DGKB: variants seen among roughly 807,000 people sequenced by gnomAD.
The protein encoded by DGKB is 90 kDa diacylglycerol kinase.
A neutral mutation model predicts 114.3 loss-of-function variants in DGKB; 67 were observed. That is an observed-to-expected ratio of 0.59 (90% CI 0.48 to 0.72). DGKB has a LOEUF of 0.72. Among genes scored for constraint, DGKB ranks in the 30% least tolerant of loss-of-function variants. The probability of loss-of-function intolerance (pLI) is 0.00; values close to 1 mark genes in which losing one functional copy is unlikely to be tolerated. For synonymous variants in DGKB, 398 were observed against 323.1 expected (o/e 1.23, Z -2.49); for missense variants, 907 against 975.2 (o/e 0.93, Z 0.93).
chr7:14,271,842 G>A (rs986159101), intron 23 of DGKB, among the ~76,000 whole-genome samples: 7 of 152,130 alleles, frequency 4.6e-5, no homozygotes, highest in African/African-American at 9.7e-5. Context: ...CAGGCAAAGC[G>A]TGATTTTCCA....
At chr7:14,802,502 T>G (rs1462594079) in intron 2 of DGKB, among the ~76,000 whole-genome samples, 1 of 152,186 alleles carries the variant, frequency 6.6e-6, no homozygotes, top group Non-Finnish European at 1.5e-5. Context: ...ATTTCTGCAA[T>G]GTCTCTGAAG....
intron 4 of DGKB, among the ~76,000 whole-genome samples, chr7:14,752,249 G>A (rs1003953193): frequency 6.6e-6 from 1 of 152,110 alleles, no homozygotes; most frequent in African/African-American, 2.4e-5. Context: ...TTATATCAGT[G>A]TCATTATCCT....
intron 21 of DGKB, among the ~76,000 whole-genome samples, chr7:14,366,602 A>G (rs986670567): frequency 3.9e-5 from 6 of 152,150 alleles, no homozygotes; most frequent in African/African-American, 1.4e-4. Context: ...TTAATACATG[A>G]CAAAAAAATT....
rs1405875302 is a variant in DGKB, at chr7:14,287,847, G to C, written c.2122+50668C>G. On this transcript the variant is annotated intron_variant, in intron 23 of 25. Transcript: ENST00000402815. ...GACATTTTAACAATTTTAATTAATA[G>C]AAGGACAGCCTGCCCTCACAGAAGT... Among the ~76,000 whole-genome samples the C allele has an allele frequency of 2.0e-5, 3 of 152,118 alleles. No homozygotes were observed. The East Asian group carries it at 5.8e-4, about 29-fold the overall frequency.
chr7:14,602,763 G>A, intron 17 of DGKB, among the ~76,000 whole-genome samples: 1 of 152,168 alleles, frequency 6.6e-6, no homozygotes, highest in East Asian at 1.9e-4. Context: ...GCCAGTCTAA[G>A]GGATTTTGTT....
intron 2 of DGKB, among the ~76,000 whole-genome samples, chr7:14,802,073 T>C (rs1429301322): frequency 2.6e-5 from 4 of 152,116 alleles, no homozygotes; most frequent in South Asian, 4.1e-4. Flanking sequence ...GACTAATATG[T>C]AATATTACGA....
At chr7:14,280,047 C>G (rs533413166) in intron 23 of DGKB, among the ~76,000 whole-genome samples, 4 of 151,756 alleles carry the variant, frequency 2.6e-5, no homozygotes, top group Admixed American at 6.6e-5. Context: ...AGGCTTCAGA[C>G]GATCAAATTA....
At position 14,802,570 on chromosome 7, in the gene DGKB, T is replaced by A. The variant is rs193164595; in HGVS notation, c.70+38624A>T. 3.4e-3 allele frequency among the ~76,000 whole-genome samples: 512 copies of A among 152,302 alleles called. 3 individuals are homozygous for A. Among genetic ancestry groups the A allele is most frequent in the African/African-American group, 0.012 (498 of 41,574 alleles). On this transcript the variant is annotated intron_variant, in intron 2 of 25. Transcript: ENST00000402815. ...ATTCAATTTATAAACCAATGCTGAA[T>A]TGAAGTCTTACCAAATTATGGTAGA...
chr7:14,948,905 T>C (rs947380379), intron 1 of DGKB, among the ~76,000 whole-genome samples: 1 of 151,474 alleles, frequency 6.6e-6, no homozygotes, highest in Non-Finnish European at 1.5e-5. Context: ...AATAGAAATA[T>C]GCCAAAAGAT....
intron 2 of DGKB, among the ~76,000 whole-genome samples, chr7:14,779,943 T>C (rs1212895692): frequency 6.6e-6 from 1 of 152,212 alleles, no homozygotes; most frequent in Non-Finnish European, 1.5e-5. Context: ...TTCCACCTTT[T>C]CTTAACTATA....
chr7:14,745,691 T>C (rs1262298505), intron 4 of DGKB, among the ~76,000 whole-genome samples: 1 of 152,228 alleles, frequency 6.6e-6, no homozygotes. Flanking sequence ...AGCTCATGTG[T>C]GGTGGCCTGG....
intron 2 of DGKB, among the ~76,000 whole-genome samples, chr7:14,779,240 A>G (rs1164595022): frequency 1.3e-5 from 2 of 152,198 alleles, no homozygotes; most frequent in Admixed American, 1.3e-4. Context: ...TCTATTTTTA[A>G]TTGTAAAAGC....
intron 23 of DGKB, among the ~76,000 whole-genome samples, chr7:14,215,932 C>T (rs1788888967): frequency 6.6e-6 from 1 of 152,064 alleles, no homozygotes; most frequent in Non-Finnish European, 1.5e-5. Flanking sequence ...TATATATGGC[C>T]TGGATATTAT....
intron 20 of DGKB, among the ~76,000 whole-genome samples, chr7:14,479,894 T>A (rs151038833): frequency 1.3e-5 from 2 of 152,050 alleles, no homozygotes. Flanking sequence ...AGCAGACTAG[T>A]TAAACAAAGC....
intron 23 of DGKB, among the ~76,000 whole-genome samples, chr7:14,298,238 G>T (rs1317485171): frequency 2.0e-5 from 3 of 152,084 alleles, no homozygotes; most frequent in Non-Finnish European, 4.4e-5. Context: ...AAAAGAGCCT[G>T]TATAGCCAAG....
chr7:14,279,521 G>C (rs1160193173), intron 23 of DGKB, among the ~76,000 whole-genome samples: 1 of 152,184 alleles, frequency 6.6e-6, no homozygotes, highest in Non-Finnish European at 1.5e-5. Context: ...CTCCCAGTAC[G>C]CAGCTGGAGA....
chr7:14,434,404 T>A (rs147132983), intron 21 of DGKB, among the ~76,000 whole-genome samples: 3 of 151,968 alleles, frequency 2.0e-5, no homozygotes, highest in African/African-American at 7.3e-5. Context: ...ATCACAAGGG[T>A]CCTCAAAAAT....
intron 19 of DGKB, 55 bp from the exon 20 acceptor site, chr7:14,574,427 G>A: frequency 6.8e-7 from 1 of 1,479,632 alleles, no homozygotes; most frequent in African/African-American, 1.4e-5. Context: ...TAAAAAAGCT[G>A]TATTTTTATG....
intron 23 of DGKB, among the ~76,000 whole-genome samples, chr7:14,258,343 T>C (rs1019644423): frequency 2.0e-5 from 3 of 152,210 alleles, no homozygotes; most frequent in Non-Finnish European, 2.9e-5. Flanking sequence ...ATTAGTTTTG[T>C]TTGTACATTA....
Sources: gnomAD v4.1 joint callset for allele counts (sites outside exome capture counted in the v4.1 genomes callset) on GRCh38, gnomAD v4.1.1 for gene constraint, MANE v1.5 for transcripts, NCBI Gene and HGNC (gene_info 2026-07-23, HGNC 2026-07-21) for gene names.